The following PHACTR3 variants were observed in gnomAD, a reference collection of about 807,000 sequenced individuals.
PHACTR3 encodes the protein protein phosphatase 1, regulatory subunit 123.
Under a neutral mutation model 66.8 loss-of-function variants are expected in PHACTR3, and 16 were observed. The ratio of observed to expected loss-of-function variants is 0.24; its 90% CI spans 0.16 to 0.36. The LOEUF is 0.36. Among genes scored for constraint, PHACTR3 ranks in the 10% least tolerant of loss-of-function variants. The probability of loss-of-function intolerance (pLI) is 1.00; values close to 1 mark genes in which losing one functional copy is unlikely to be tolerated. For synonymous variants in PHACTR3, 323 were observed against 292.1 expected (o/e 1.11, Z -1.08); for missense variants, 647 against 719.9 (o/e 0.90, Z 1.16).
intron 1 of PHACTR3, among the ~76,000 whole-genome samples, chr20:59,726,050 G>A (rs914413673): frequency 2.0e-5 from 3 of 152,214 alleles, no homozygotes; most frequent in Admixed American, 1.3e-4. Flanking sequence ...CGAGGGAGAC[G>A]TGCTTCTGAT....
chr20:59,747,798 G>T lies in PHACTR3; in HGVS notation c.321G>T (p.Glu107Asp). ...KKMAGRQGRE[E>D]LIKKGLLEMM... The stretch of plus-strand genomic sequence containing the variant: ...TGGCCGGCAGGCAAGGCCGAGAGGA[G>T]CTCATCAAGAAGGGGCTGCTGGAGA... Residue 107 changes from glutamate (E) to aspartate (D), a missense_variant, in exon 3 of 13, where the codon GAG (glutamate) becomes GAT (aspartate). By Grantham distance (45) the Glu-to-Asp change is conservative (BLOSUM62 2). Coordinates refer to ENST00000371015, the MANE Select transcript of PHACTR3 (RefSeq NM_080672.5). The T allele has an allele frequency of 6.2e-7, 1 of 1,614,120 alleles. No homozygotes were observed. Among genetic ancestry groups the T allele is most frequent in the Non-Finnish European group, 8.5e-7 (1 of 1,180,004 alleles).
chr20:59,688,759 A>G (rs1163268056), intron 1 of PHACTR3, among the ~76,000 whole-genome samples: 2 of 152,142 alleles, frequency 1.3e-5, no homozygotes, highest in East Asian at 1.9e-4. Flanking sequence ...GGGGTAATGC[A>G]TAAATGCTGA....
intron 4 of PHACTR3, among the ~76,000 whole-genome samples, chr20:59,763,123 G>A (rs1005201149): frequency 6.6e-6 from 1 of 152,176 alleles, no homozygotes; most frequent in African/African-American, 2.4e-5. Context: ...ATCACAGGGG[G>A]GCAGTTTCCT....
intron 8 of PHACTR3, among the ~76,000 whole-genome samples, chr20:59,826,893 G>A (rs1018706260): frequency 1.3e-5 from 2 of 152,186 alleles, no homozygotes; most frequent in South Asian, 2.1e-4. Flanking sequence ...AGAACAGAAA[G>A]TGCCTCTCTA....
intron 1 of PHACTR3, among the ~76,000 whole-genome samples, chr20:59,689,585 G>T (rs2037029049): frequency 6.6e-6 from 1 of 152,128 alleles, no homozygotes; most frequent in Non-Finnish European, 1.5e-5. Context: ...GGATTCTCCT[G>T]GAGTCCAGAC....
chr20:59,601,388 G>A (rs1303704128), upstream of PHACTR3, among the ~76,000 whole-genome samples: 1 of 152,328 alleles, frequency 6.6e-6, no homozygotes, highest in Middle Eastern at 3.4e-3. Context: ...GGACATTTAG[G>A]TTGTTCGTAA....
At chr20:59,647,925 T>C (rs905344626) in intron 1 of PHACTR3, among the ~76,000 whole-genome samples, 3 of 152,246 alleles carry the variant, frequency 2.0e-5, no homozygotes, top group South Asian at 2.1e-4. Flanking sequence ...CAACTTTCCA[T>C]AGGACTTTGC....
At chr20:59,838,436 G>A (rs190930824) in intron 9 of PHACTR3, among the ~76,000 whole-genome samples, 15 of 151,552 alleles carry the variant, frequency 9.9e-5, no homozygotes, top group Admixed American at 4.6e-4. Flanking sequence ...TCAAAACTCC[G>A]CCCATATAAC....
chr20:59,709,988 C>T (rs536035153), intron 1 of PHACTR3, among the ~76,000 whole-genome samples: 1 of 152,064 alleles, frequency 6.6e-6, no homozygotes, highest in Non-Finnish European at 1.5e-5. Flanking sequence ...TTTGCAGAAC[C>T]TGTTGTGTTC....
intron 1 of PHACTR3, among the ~76,000 whole-genome samples, chr20:59,621,732 T>A (rs2034247613): frequency 2.6e-5 from 4 of 152,136 alleles, no homozygotes; most frequent in African/African-American, 9.7e-5. Flanking sequence ...TGGGGAGGTG[T>A]GGGGCATGGT....
intron 8 of PHACTR3, among the ~76,000 whole-genome samples, chr20:59,827,436 C>T (rs1162334057): frequency 6.6e-6 from 1 of 152,178 alleles, no homozygotes; most frequent in African/African-American, 2.4e-5. Context: ...TAGGGTGGGC[C>T]ACAGAGCCAG....
chr20:59,839,698 A>C (rs2059024446), intron 9 of PHACTR3, among the ~76,000 whole-genome samples: 2 of 152,186 alleles, frequency 1.3e-5, no homozygotes, highest in Non-Finnish European at 2.9e-5. Context: ...GTTAATAGTC[A>C]CAACTTACCA....
At chr20:59,651,666 G>C (rs889592212) in intron 1 of PHACTR3, among the ~76,000 whole-genome samples, 1 of 152,296 alleles carries the variant, frequency 6.6e-6, no homozygotes, top group East Asian at 1.9e-4. Flanking sequence ...ACGAAGAGTG[G>C]ACTGGCTGGA....
intron 1 of PHACTR3, among the ~76,000 whole-genome samples, chr20:59,718,843 A>G (rs1030106558): frequency 2.6e-5 from 4 of 152,216 alleles, no homozygotes; most frequent in Admixed American, 6.5e-5. Context: ...GCGTATGTCT[A>G]TCCTGTGTTG....
At chr20:59,739,639 T>A (rs1176249686) in intron 1 of PHACTR3, among the ~76,000 whole-genome samples, 1 of 152,178 alleles carries the variant, frequency 6.6e-6, no homozygotes, top group African/African-American at 2.4e-5. Flanking sequence ...ACCACCTCCC[T>A]GATCCAATCA....
At chr20:59,633,556 C>A (rs1394150498) in intron 1 of PHACTR3, among the ~76,000 whole-genome samples, 1 of 152,176 alleles carries the variant, frequency 6.6e-6, no homozygotes, top group African/African-American at 2.4e-5. Context: ...TGCAGCAAGC[C>A]ACCATGGCAC....
chr20:59,578,533 T>C (rs1469576072), intron 1 of PHACTR3, among the ~76,000 whole-genome samples: 1 of 152,210 alleles, frequency 6.6e-6, no homozygotes, highest in Non-Finnish European at 1.5e-5. Flanking sequence ...CGTGGTTCTT[T>C]TCAGTGCCTC....
At position 59,615,076 on chromosome 20, in the gene PHACTR3, A is replaced by G. The variant is rs566950501; in HGVS notation, c.118+9944A>G. ...TTTATTTTCCTGTTATTCTCTATAT[A>G]CAACCAGAGATACAGGTTTTCCATC... On this transcript the variant is annotated intron_variant, in intron 1 of 12. Coordinates refer to ENST00000371015, the MANE Select transcript of PHACTR3 (RefSeq NM_080672.5). 2.4e-4 allele frequency among the ~76,000 whole-genome samples: 37 copies of G among 152,264 alleles called. No homozygotes were observed. In the South Asian group the frequency reaches 6.8e-3, roughly 28 times the overall value.
intron 1 of PHACTR3, among the ~76,000 whole-genome samples, chr20:59,734,573 A>AT (rs2038880871): frequency 6.6e-6 from 1 of 151,726 alleles, no homozygotes; most frequent in South Asian, 2.1e-4. Flanking sequence ...CTGAGACTAT[A>AT]TTTTTTCTAT....
Sources: allele counts gnomAD v4.1 joint callset (sites outside exome capture counted in the v4.1 genomes callset), GRCh38; gene constraint gnomAD v4.1.1; transcripts MANE v1.5; gene names NCBI Gene and HGNC (gene_info 2026-07-23, HGNC 2026-07-21).